Variants in VPS50 observed in about 807,000 individuals in gnomAD.
VPS50 encodes syndetin.
In VPS50, 70 loss-of-function variants were observed where a neutral mutation model predicts 139.7. The ratio of observed to expected loss-of-function variants is 0.50; its 90% CI spans 0.41 to 0.61. The LOEUF (loss-of-function observed/expected upper bound fraction) is 0.61, where lower values mean the gene tolerates loss of function less well. Ranked by LOEUF, VPS50 falls within the 20% of genes least tolerant of loss-of-function variation. VPS50 has a pLI of 0.00. For missense variants in VPS50, 921 were observed against 1,133.7 expected (o/e 0.81, Z 2.69); for synonymous variants, 365 against 376.7 (o/e 0.97, Z 0.36).
intron 21 of VPS50, among the ~76,000 whole-genome samples, chr7:93,329,454 G>T (rs913150627): frequency 4.0e-5 from 6 of 151,824 alleles, no homozygotes; most frequent in African/African-American, 1.5e-4. Flanking sequence ...AAACATGTTC[G>T]ATTATATCAC....
chr7:93,250,619 A>G (rs574976059), intron 2 of VPS50, among the ~76,000 whole-genome samples: 1 of 152,298 alleles, frequency 6.6e-6, no homozygotes, highest in African/African-American at 2.4e-5. Context: ...AATACCATTC[A>G]GGACATAGGC....
At chr7:93,351,064 A>G (rs1185251384) in intron 25 of VPS50, among the ~76,000 whole-genome samples, 1 of 152,000 alleles carries the variant, frequency 6.6e-6, no homozygotes, top group Admixed American at 6.6e-5. Flanking sequence ...CAGTCACCCA[A>G]CTCCCAGCAA....
chr7:93,240,384 A>T (rs1794952927), intron 2 of VPS50, among the ~76,000 whole-genome samples: 1 of 152,116 alleles, frequency 6.6e-6, no homozygotes, highest in Non-Finnish European at 1.5e-5. Context: ...TGTGGAGCAG[A>T]GGTTTTTGAA....
chr7:93,317,473 A>AGAGGTTGCAGCAAGCC (rs1274519883), intron 20 of VPS50, among the ~76,000 whole-genome samples: 1 of 152,158 alleles, frequency 6.6e-6, no homozygotes, highest in African/African-American at 2.4e-5. Flanking sequence ...CCCAGGAGGC[A>AGAGGTTGCAGCAAGCC]GAGGTTGCAG....
At chr7:93,320,235 T>C (rs960292839) in intron 20 of VPS50, 25 of 152,196 alleles carry the variant, frequency 1.6e-4, no homozygotes, top group African/African-American at 4.3e-4. Context: ...GCAGTCTTTA[T>C]GGGGACTGAT....
At chr7:93,313,392 G>T (rs562878025) in intron 20 of VPS50, among the ~76,000 whole-genome samples, 2 of 152,260 alleles carry the variant, frequency 1.3e-5, no homozygotes, top group African/African-American at 4.8e-5. Flanking sequence ...GGGGCTGGAG[G>T]TAGTCATGTT....
Position 93,256,537 on chromosome 7 carries a change from T to A in VPS50, c.326T>A (p.Leu109His). The change falls in exon 5 of 28, where the codon CTT (leucine) becomes CAT (histidine). Residue 109 changes from leucine to histidine, a missense_variant. Physicochemically the swap from Leu to His is moderately conservative, Grantham distance 99 (BLOSUM62 -3). Transcript: ENST00000305866. ...AVSKKVADLILEKQPAYVKEL... is the reference protein window; with the variant it reads ...AVSKKVADLIHEKQPAYVKEL... Reference sequence around the variant, plus strand: ...TCTAAAAAAGTGGCAGATTTAATCCTTGAAAAACAGCCTGCTTATGTAAAG... The same window carrying A: ...TCTAAAAAAGTGGCAGATTTAATCCATGAAAAACAGCCTGCTTATGTAAAG... 1 of 1,465,784 alleles carries A rather than the reference T, an allele frequency of 6.8e-7. No individual in the cohort carries two copies. Among genetic ancestry groups the A allele is most frequent in the African/African-American group, 1.5e-5 (1 of 67,832 alleles). 90.8% of individuals were successfully genotyped at this position (1,465,784 alleles called of 1,614,324 possible).
At chr7:93,353,547 C>T in intron 25 of VPS50, 93 bp from the exon 26 acceptor site, 1 of 1,363,570 alleles carries the variant, frequency 7.3e-7, no homozygotes, top group Non-Finnish European at 1.0e-6. Context: ...GATTCTGAGT[C>T]TTTCTAAATC....
At chr7:93,323,399 A>ATGAT (rs1209682196) in intron 20 of VPS50, 2 of 184,412 alleles carry the variant, frequency 1.1e-5, no homozygotes, top group African/African-American at 4.7e-5. Flanking sequence ...ACTTTCCAAG[A>ATGAT]TGATAGAACT....
intron 17 of VPS50, 139 bp from the exon 18 acceptor site, chr7:93,305,689 T>C: frequency 1.5e-6 from 1 of 671,448 alleles, no homozygotes; most frequent in Non-Finnish European, 2.6e-6. Flanking sequence ...TTTAGATAAC[T>C]TGAAAGATTT....
intron 6 of VPS50, chr7:93,257,686 AT>A: frequency 2.8e-6 from 1 of 363,220 alleles, no homozygotes. Context: ...TTTTTATATT[AT>A]TTAGACTAGT....
intron 26 of VPS50, 29 bp from the exon 27 acceptor site, chr7:93,355,862 G>A: frequency 1.4e-6 from 2 of 1,404,976 alleles, no homozygotes; most frequent in Non-Finnish European, 2.0e-6. Flanking sequence ...ATCCTATAAT[G>A]TATTTTTTTT....
intron 23 of VPS50, among the ~76,000 whole-genome samples, chr7:93,347,172 A>G (rs1554381389): frequency 6.7e-6 from 1 of 148,762 alleles, no homozygotes; most frequent in Non-Finnish European, 1.5e-5. Flanking sequence ...AAAGGATATA[A>G]ATAGACACTT....
At chr7:93,300,117 T>G (rs1796934498) in intron 16 of VPS50, among the ~76,000 whole-genome samples, 1 of 152,112 alleles carries the variant, frequency 6.6e-6, no homozygotes, top group Admixed American at 6.6e-5. Flanking sequence ...AAGCCAAACT[T>G]AATGAGCTGA....
chr7:93,320,462 T>C, intron 20 of VPS50: 1 of 153,266 alleles, frequency 6.5e-6, no homozygotes, highest in Non-Finnish European at 1.5e-5. Context: ...CAAGCCATTC[T>C]CCTGCCTCAG....
At chr7:93,352,541 G>T (rs1409743997) in intron 25 of VPS50, among the ~76,000 whole-genome samples, 1 of 152,138 alleles carries the variant, frequency 6.6e-6, no homozygotes, top group Non-Finnish European at 1.5e-5. Context: ...CGTCAGTCTT[G>T]TTAAACATTG....
At chr7:93,322,975 A>C (rs966846941) in intron 20 of VPS50, among the ~76,000 whole-genome samples, 2 of 152,206 alleles carry the variant, frequency 1.3e-5, no homozygotes, top group African/African-American at 4.8e-5. Flanking sequence ...TTCCAAAAGA[A>C]GGAATGAGAA....
intron 22 of VPS50, among the ~76,000 whole-genome samples, chr7:93,339,330 TA>T (rs772980449): frequency 0.083 from 11,316 of 136,064 alleles, 520 homozygotes; most frequent in East Asian, 0.14. Context: ...AGATAGGAAA[TA>T]AAAAAAAAAA....
intron 2 of VPS50, among the ~76,000 whole-genome samples, chr7:93,244,323 C>G (rs1406361480): frequency 6.6e-6 from 1 of 151,860 alleles, no homozygotes; most frequent in Non-Finnish European, 1.5e-5. Context: ...GACTTGACTT[C>G]TTAAAATCCA....
Sources: allele counts gnomAD v4.1 joint callset (sites outside exome capture counted in the v4.1 genomes callset), GRCh38; gene constraint gnomAD v4.1.1; transcripts MANE v1.5; gene names NCBI Gene and HGNC (gene_info 2026-07-23, HGNC 2026-07-21).